Variants in SLC26A8 observed in about 807,000 individuals in gnomAD.
SLC26A8 encodes testis anion transporter 1.
SLC26A8 carries 70 observed loss-of-function variants against 105.0 expected under a neutral mutation model. That is an observed-to-expected ratio of 0.67 (90% CI 0.55 to 0.81). The LOEUF is 0.81. SLC26A8 is among the 40% of genes least tolerant of loss of function. SLC26A8 has a pLI of 0.00. For synonymous variants in SLC26A8, 415 were observed against 438.3 expected (o/e 0.95, Z 0.66); for missense variants, 998 against 1,181.8 (o/e 0.84, Z 2.28).
intron 5 of SLC26A8, among the ~76,000 whole-genome samples, chr6:35,997,346 G>C (rs1435216279): frequency 6.6e-6 from 1 of 152,176 alleles, no homozygotes; most frequent in Non-Finnish European, 1.5e-5. Flanking sequence ...GTCATCTGAG[G>C]TGGAACAGTT....
chr6:35,993,414 C>G (rs1761246163), intron 5 of SLC26A8, among the ~76,000 whole-genome samples: 1 of 151,982 alleles, frequency 6.6e-6, no homozygotes, highest in African/African-American at 2.4e-5. Context: ...AAGAGAATTT[C>G]AAAACAGTGG....
At chr6:36,002,006 G>A (rs934158083) in intron 3 of SLC26A8, among the ~76,000 whole-genome samples, 4 of 152,198 alleles carry the variant, frequency 2.6e-5, no homozygotes, top group African/African-American at 9.7e-5. Flanking sequence ...CAATCTGTGT[G>A]TCTAAATCAG....
intron 9 of SLC26A8, 68 bp from the exon 10 acceptor site, chr6:35,975,556 C>A (rs1772975453): frequency 2.4e-6 from 2 of 845,762 alleles, no homozygotes; most frequent in Non-Finnish European, 1.9e-6. Context: ...GAGTTGAAGG[C>A]ATATGGTTTT....
Position 35,959,523 on chromosome 6 carries a change from A to G in SLC26A8, c.1800T>C (p.Asn600=). 6.2e-7 allele frequency: 1 copy of G among 1,614,118 alleles called. No homozygotes were observed. ...ACCTGCAAATCTTTCCTCCTTGTAG[A>G]TTGGTGTCACTTGAATTAAACAAGC... ...IFSLFNSSDT[N]LQGGKICRCF... Residue 600 remains asparagine (N), a synonymous_variant, in exon 16 of 20, where the codon AAT becomes AAC. Coordinates refer to ENST00000490799, the MANE Select transcript of SLC26A8 (RefSeq NM_052961.4).
chr6:35,994,003 A>G (rs1761268216), intron 5 of SLC26A8, among the ~76,000 whole-genome samples: 1 of 152,186 alleles, frequency 6.6e-6, no homozygotes, highest in Non-Finnish European at 1.5e-5. Flanking sequence ...CCACTCCACT[A>G]AAAGCTCTCA....
At chr6:35,985,048 C>T (rs1019265057) in intron 7 of SLC26A8, among the ~76,000 whole-genome samples, 7 of 152,150 alleles carry the variant, frequency 4.6e-5, no homozygotes, top group Non-Finnish European at 8.8e-5. Context: ...AACCCCTTAC[C>T]GTAACCCAGA....
intron 17 of SLC26A8, among the ~76,000 whole-genome samples, chr6:35,953,060 G>A (rs1480443487): frequency 6.6e-6 from 1 of 150,480 alleles, no homozygotes. Context: ...TTTTTCTTAG[G>A]TTCCAGTTTT....
intron 10 of SLC26A8, among the ~76,000 whole-genome samples, chr6:35,974,055 T>C (rs549743648): frequency 1.3e-5 from 2 of 152,324 alleles, no homozygotes; most frequent in East Asian, 3.9e-4. Flanking sequence ...CGGTGGTTCA[T>C]GCCTGTAATC....
At chr6:36,009,150 A>C (rs1761774042) in intron 3 of SLC26A8, among the ~76,000 whole-genome samples, 1 of 152,160 alleles carries the variant, frequency 6.6e-6, no homozygotes, top group Non-Finnish European at 1.5e-5. Flanking sequence ...TCAGGAGTTT[A>C]TGACCAGCCT....
chr6:36,013,543 A>C (rs374267480), intron 2 of SLC26A8, among the ~76,000 whole-genome samples: 2 of 152,204 alleles, frequency 1.3e-5, no homozygotes, highest in African/African-American at 2.4e-5. Context: ...CAGAATACAC[A>C]GGCCAATTCT....
At chr6:35,992,752 G>T in intron 5 of SLC26A8, 78 bp from the exon 6 acceptor site, 1 of 1,441,674 alleles carries the variant, frequency 6.9e-7, no homozygotes, top group East Asian at 2.3e-5. Flanking sequence ...TCCAGGAAAA[G>T]AAGGGTTTCC....
At chr6:35,951,379 C>T (rs1357037434) in intron 18 of SLC26A8, 32 bp from the exon 19 acceptor site, 2 of 1,614,114 alleles carry the variant, frequency 1.2e-6, no homozygotes, top group South Asian at 2.2e-5. Context: ...CACACAATGT[C>T]AGATACTTGG....
intron 17 of SLC26A8, among the ~76,000 whole-genome samples, chr6:35,952,195 A>C (rs1215349934): frequency 6.6e-6 from 1 of 152,200 alleles, no homozygotes; most frequent in African/African-American, 2.4e-5. Context: ...ATATTTTGGC[A>C]TGATGGCCTA....
At chr6:36,021,289 A>G (rs954122952) in intron 1 of SLC26A8, among the ~76,000 whole-genome samples, 1 of 152,210 alleles carries the variant, frequency 6.6e-6, no homozygotes, top group Non-Finnish European at 1.5e-5. Context: ...ACAAAAAGAA[A>G]AAAAGGTAGA....
chr6:35,959,573 G>C lies in SLC26A8; in HGVS notation c.1750C>G (p.Pro584Ala), dbSNP rs1772229151. Reference sequence around the variant, plus strand: ...CTGAAAATTTCTTCTTCTTTAAGAGGCACCTTTACCATATCAACCTGAAAG... The same window carrying C: ...CTGAAAATTTCTTCTTCTTTAAGAGCCACCTTTACCATATCAACCTGAAAG... ...LLKEVDMVKV[P>A]LKEEEIFSLF... Residue 584 changes from proline to alanine, a missense_variant, in exon 16 of 20, where the codon CCT becomes GCT. Physicochemically the swap from Pro to Ala is conservative, Grantham distance 27 (BLOSUM62 -1). Transcript: ENST00000490799. 6.2e-7 allele frequency: 1 copy of C among 1,613,572 alleles called. No homozygotes were observed. Among genetic ancestry groups the C allele is most frequent in the Non-Finnish European group, 8.5e-7 (1 of 1,179,860 alleles).
chr6:35,955,087 T>A (rs1772003846), intron 17 of SLC26A8, 65 bp downstream of exon 17: 1 of 1,597,936 alleles, frequency 6.3e-7, no homozygotes, highest in South Asian at 1.1e-5. Flanking sequence ...TCAATCAGGA[T>A]CAGGGTGGGG....
At chr6:35,963,786 T>G (rs566428809) in intron 11 of SLC26A8, among the ~76,000 whole-genome samples, 1 of 152,322 alleles carries the variant, frequency 6.6e-6, no homozygotes, top group South Asian at 2.1e-4. Flanking sequence ...GATGATAAAT[T>G]AAGAGAACTT....
At chr6:35,964,525 T>C (rs965120755) in intron 11 of SLC26A8, among the ~76,000 whole-genome samples, 1 of 151,906 alleles carries the variant, frequency 6.6e-6, no homozygotes, top group Non-Finnish European at 1.5e-5. Context: ...TACATGCCTG[T>C]AATCTCAGCC....
intron 3 of SLC26A8, among the ~76,000 whole-genome samples, chr6:36,003,110 CT>C (rs1761573305): frequency 6.6e-6 from 1 of 152,102 alleles, no homozygotes; most frequent in South Asian, 2.1e-4. Flanking sequence ...CTTTTGGTGT[CT>C]TACTTAAGAA....
Sources: allele counts gnomAD v4.1 joint callset (sites outside exome capture counted in the v4.1 genomes callset), GRCh38; gene constraint gnomAD v4.1.1; transcripts MANE v1.5; gene names NCBI Gene and HGNC (gene_info 2026-07-23, HGNC 2026-07-21).